PIP4K2B: variants seen among roughly 807,000 people sequenced by gnomAD.
The protein encoded by PIP4K2B is phosphatidylinositol-5-phosphate 4-kinase type 2 beta, also known as phosphatidylinositol 5-phosphate 4-kinase type-2 beta.
PIP4K2B carries 3 observed loss-of-function variants against 42.0 expected under a neutral mutation model. That is an observed-to-expected ratio of 0.07 (90% CI 0.03 to 0.18). PIP4K2B has a LOEUF of 0.18. PIP4K2B is among the 10% of genes least tolerant of loss of function. PIP4K2B has a pLI of 1.00. For missense variants in PIP4K2B, 332 were observed against 562.3 expected (o/e 0.59, Z 4.14); for synonymous variants, 204 against 210.1 (o/e 0.97, Z 0.25).
chr17:38,774,940 T>TTGTGTGTG (rs144917475), intron 7 of PIP4K2B, among the ~76,000 whole-genome samples: 1 of 149,508 alleles, frequency 6.7e-6, no homozygotes, highest in East Asian at 2.0e-4. Context: ...TAATCAGTTT[T>TTGTGTGTG]TGTGTGTGTG....
In PIP4K2B at chr17:38,786,888, G is replaced by C; in HGVS notation, c.192C>G (p.Val64=). Residue 64 remains valine, a synonymous_variant, in exon 2 of 10, where the codon GTC becomes GTG. Transcript: ENST00000619039. ...INELSNVPVP[V]MLMPDDFKAY... ...CTTTGAAGTCATCTGGCATTAGCAT[G>C]ACAGGAACAGGAACATTGCTCAGCT... 6.2e-7 allele frequency: 1 copy of C among 1,613,414 alleles called. No homozygotes were observed. The highest frequency in any genetic ancestry group is 8.5e-7 in the Non-Finnish European group (1 of 1,179,342).
At chr17:38,784,631 C>G (rs1346731930) in intron 2 of PIP4K2B, among the ~76,000 whole-genome samples, 1 of 152,086 alleles carries the variant, frequency 6.6e-6, no homozygotes. Context: ...TTTCTAGGCT[C>G]TTAGGAATTC....
chr17:38,787,825 T>C (rs1181715189), intron 1 of PIP4K2B, among the ~76,000 whole-genome samples: 1 of 152,218 alleles, frequency 6.6e-6, no homozygotes, highest in African/African-American at 2.4e-5. Flanking sequence ...CTTGAACTCT[T>C]GACCTCAGGT....
At chr17:38,780,317 G>A in intron 4 of PIP4K2B, 135 bp downstream of exon 4, 1 of 635,326 alleles carries the variant, frequency 1.6e-6, no homozygotes, top group South Asian at 2.7e-5. Flanking sequence ...GGTTGCAGGA[G>A]AGTCCCACTG....
intron 7 of PIP4K2B, among the ~76,000 whole-genome samples, chr17:38,771,546 CAA>C (rs58817119): frequency 1.2e-3 from 47 of 39,764 alleles, no homozygotes; most frequent in South Asian, 6.8e-3. Flanking sequence ...GAGATGGTCT[CAA>C]AAAAAAAAAA....
rs1254862714 is a variant in PIP4K2B at position 38,769,059 on chromosome 17, G to T, written c.*632C>A. 2 of 152,734 alleles carry T rather than the reference G, an allele frequency of 1.3e-5. No homozygotes were observed. The highest frequency in any genetic ancestry group is 4.8e-5 in the African/African-American group (2 of 41,454). The allele number at this position is 152,734 out of a possible 1,614,324, so 9.5% of individuals were successfully genotyped here. On this transcript the variant is annotated 3_prime_UTR_variant, in exon 10 of 10. Coordinates refer to ENST00000619039, the MANE Select transcript of PIP4K2B (RefSeq NM_003559.5). The stretch of plus-strand genomic sequence containing the variant: ...ATTCCAGACAGGATGGAGGAATAAT[G>T]CAACAGTTTTCACTTGAATCCAAGG...
At chr17:38,771,905 C>G (rs1275565400) in intron 7 of PIP4K2B, among the ~76,000 whole-genome samples, 1 of 152,180 alleles carries the variant, frequency 6.6e-6, no homozygotes, top group Non-Finnish European at 1.5e-5. Context: ...CAGTGCACAC[C>G]TGTAGTCCTA....
intron 7 of PIP4K2B, among the ~76,000 whole-genome samples, chr17:38,774,828 A>G (rs1299865836): frequency 6.6e-6 from 1 of 152,170 alleles, no homozygotes; most frequent in Non-Finnish European, 1.5e-5. Context: ...GATTTACAAA[A>G]CATCCTATAG....
chr17:38,776,093 C>T (rs867517719), intron 7 of PIP4K2B: 1 of 434,300 alleles, frequency 2.3e-6, no homozygotes, highest in African/African-American at 2.1e-5. Flanking sequence ...GCCTCAGCCT[C>T]CCAAGTAGCT....
rs113222232 is a variant in PIP4K2B at position 38,787,156 on chromosome 17, C to A, written c.160-236G>T. Among the ~76,000 whole-genome samples, 137 of 152,236 alleles carry A rather than the reference C, an allele frequency of 9.0e-4. 1 individual carries two copies. The highest frequency in any genetic ancestry group is 3.1e-3 in the African/African-American group (128 of 41,526). On this transcript the variant is annotated intron_variant, in intron 1 of 9. Transcript: ENST00000619039. ...ACTCAAGCAATCTGCCCACACCAGC[C>A]CCCCAAGTAGCTGGGACTACAGGTG... is the stretch of plus-strand genomic sequence containing the variant.
intron 7 of PIP4K2B, 49 bp downstream of exon 7, chr17:38,777,638 T>C (rs951367695): frequency 1.0e-5 from 12 of 1,199,416 alleles, no homozygotes; most frequent in Non-Finnish European, 1.5e-5. Context: ...AGGCGCCTAC[T>C]CTAGGTACAG....
intron 1 of PIP4K2B, among the ~76,000 whole-genome samples, chr17:38,789,638 T>C (rs951936485): frequency 6.6e-6 from 1 of 152,198 alleles, no homozygotes; most frequent in Non-Finnish European, 1.5e-5. Context: ...ACCTTTTTTA[T>C]TTAGAAATGT....
At chr17:38,782,541 T>C (rs549016163) in intron 3 of PIP4K2B, among the ~76,000 whole-genome samples, 2 of 152,324 alleles carry the variant, frequency 1.3e-5, no homozygotes, top group African/African-American at 2.4e-5. Context: ...CAAGTCATGA[T>C]TGAGTTCAGG....
intron 2 of PIP4K2B, 48 bp downstream of exon 2, chr17:38,786,775 G>A: frequency 1.7e-6 from 2 of 1,211,722 alleles, no homozygotes; most frequent in African/African-American, 1.5e-5. Flanking sequence ...TCTGACTTGA[G>A]GGAAAGGACT....
rs759709479 is a variant in PIP4K2B, at chr17:38,770,533, G to C, written c.1073C>G (p.Pro358Arg). The C allele has an allele frequency of 6.3e-6, 10 of 1,584,242 alleles. No individual in the cohort carries two copies. Among genetic ancestry groups the C allele is most frequent in the Middle Eastern group, 1.7e-4 (1 of 5,880 alleles). Reference sequence around the variant, plus strand: ...GGCCATGAAATACACCTCCTTCTTGGGGGAACCTGGAGGGACAAGGAGAGC... The same window carrying C: ...GGCCATGAAATACACCTCCTTCTTGCGGGAACCTGGAGGGACAAGGAGAGC... ...VYAMKSHESS[P>R]KKEVYFMAII... is the part of the protein sequence containing the mutation. The change falls in exon 9 of 10, where the codon CCC becomes CGC. Residue 358 changes from proline (P) to arginine (R), a missense_variant. Pro to Arg is a moderately radical substitution (Grantham distance 103, BLOSUM62 -2). Transcript: ENST00000619039.
At chr17:38,770,376 G>A (rs1908945037) in intron 9 of PIP4K2B, 60 bp downstream of exon 9, 1 of 986,764 alleles carries the variant, frequency 1.0e-6, no homozygotes, top group South Asian at 1.4e-5. Context: ...CCTGGGGTCT[G>A]AGGGTAAGCA....
chr17:38,773,939 TA>T (rs1225384230), intron 7 of PIP4K2B, among the ~76,000 whole-genome samples: 1 of 151,712 alleles, frequency 6.6e-6, no homozygotes, highest in African/African-American at 2.4e-5. Flanking sequence ...AGAACCACAG[TA>T]GGGGGAGAGG....
At chr17:38,780,625 A>C (rs1323717145) in intron 3 of PIP4K2B, 21 bp from the exon 4 acceptor site, 1 of 1,601,432 alleles carries the variant, frequency 6.2e-7, no homozygotes. Flanking sequence ...AGACAAAAGA[A>C]GGCTGGGCTT....
intron 3 of PIP4K2B, among the ~76,000 whole-genome samples, chr17:38,781,050 G>T (rs556611695): frequency 1.3e-5 from 2 of 152,168 alleles, no homozygotes; most frequent in African/African-American, 2.4e-5. Context: ...TCTCTTGGGG[G>T]TAGCAAAGAT....
Sources: gnomAD v4.1 joint callset for allele counts (sites outside exome capture counted in the v4.1 genomes callset) on GRCh38, gnomAD v4.1.1 for gene constraint, MANE v1.5 for transcripts, NCBI Gene and HGNC (gene_info 2026-07-23, HGNC 2026-07-21) for gene names.